The following DYNC1I1 variants were observed in gnomAD, a reference collection of about 807,000 sequenced individuals.
DYNC1I1 encodes the protein dynein cytoplasmic 1 intermediate chain 1, also known as cytoplasmic dynein 1 intermediate chain 1.
Under a neutral mutation model 86.6 loss-of-function variants are expected in DYNC1I1, and 43 were observed. The ratio of observed to expected loss-of-function variants is 0.50; its 90% CI spans 0.39 to 0.64. The LOEUF is 0.64. Among genes scored for constraint, DYNC1I1 ranks in the 30% least tolerant of loss-of-function variants. The probability of loss-of-function intolerance (pLI) is 0.00; values close to 1 mark genes in which losing one functional copy is unlikely to be tolerated. For synonymous variants in DYNC1I1, 262 were observed against 283.7 expected, an observed-to-expected ratio of 0.92 and a Z score of 0.77; for missense variants, 604 against 788.8, an observed-to-expected ratio of 0.77 and a Z score of 2.81.
chr7:95,936,157 T>G (rs925573643), intron 6 of DYNC1I1, among the ~76,000 whole-genome samples: 1 of 152,004 alleles, frequency 6.6e-6, no homozygotes, highest in Non-Finnish European at 1.5e-5. Flanking sequence ...AGAATAGTTA[T>G]TATAGAGAAG....
chr7:95,963,873 A>G (rs1364830956), intron 6 of DYNC1I1, among the ~76,000 whole-genome samples: 2 of 152,188 alleles, frequency 1.3e-5, no homozygotes, highest in South Asian at 2.1e-4. Context: ...TCTGACCACA[A>G]CTGAGAGTTG....
At chr7:95,966,389 G>C (rs748947336) in intron 6 of DYNC1I1, among the ~76,000 whole-genome samples, 1 of 152,124 alleles carries the variant, frequency 6.6e-6, no homozygotes, top group African/African-American at 2.4e-5. Flanking sequence ...TAAATCTTAA[G>C]TAGTATTTAC....
chr7:96,073,952 G>A (rs928221542), intron 14 of DYNC1I1, among the ~76,000 whole-genome samples: 3 of 152,210 alleles, frequency 2.0e-5, no homozygotes, highest in African/African-American at 7.2e-5. Flanking sequence ...TTTGAATCAT[G>A]TAGTCCAAAC....
chr7:96,035,399 A>C (rs1467947306), intron 12 of DYNC1I1, among the ~76,000 whole-genome samples: 1 of 152,222 alleles, frequency 6.6e-6, no homozygotes, highest in Non-Finnish European at 1.5e-5. Flanking sequence ...TGACTTAAGA[A>C]GCAGCAGCAC....
chr7:96,029,447 GA>G (rs1794756748), intron 11 of DYNC1I1, among the ~76,000 whole-genome samples: 1 of 152,144 alleles, frequency 6.6e-6, no homozygotes, highest in Non-Finnish European at 1.5e-5. Flanking sequence ...CATACCTTCT[GA>G]AATTTCCAAA....
Position 95,804,833 on chromosome 7 carries a change from A to G in DYNC1I1, c.104A>G (p.Lys35Arg), listed in dbSNP as rs750279713. 6.4e-7 allele frequency: 1 copy of G among 1,556,384 alleles called. No homozygotes were observed. The highest frequency in any genetic ancestry group is 8.7e-7 in the Non-Finnish European group (1 of 1,148,734). ...CGGAAGGAAGAGGAGAGGAAAAAGA[A>G]AGAGGTAAATCCTGGGTGTTGGGGT... ...KKRKEEERKK[K>R]EADMQQKKEP... The change falls in exon 2 of 17, where the codon AAA becomes AGA. Residue 35 changes from lysine (K) to arginine (R), a missense_variant. Lys to Arg is a conservative substitution (Grantham distance 26). Transcript: ENST00000447467.
intron 14 of DYNC1I1, among the ~76,000 whole-genome samples, chr7:96,051,964 A>C (rs1789416259): frequency 6.6e-6 from 1 of 152,182 alleles, no homozygotes; most frequent in Admixed American, 6.5e-5. Context: ...TGATTAAAAA[A>C]TTTATCTCTT....
chr7:96,097,016 T>TAC (rs1791031096), intron 16 of DYNC1I1, among the ~76,000 whole-genome samples: 1 of 152,166 alleles, frequency 6.6e-6, no homozygotes, highest in South Asian at 2.1e-4. Context: ...TTTCTTTGTA[T>TAC]ATATAAGCTA....
chr7:95,985,623 C>T (rs950734423), intron 8 of DYNC1I1, among the ~76,000 whole-genome samples: 3 of 152,084 alleles, frequency 2.0e-5, no homozygotes, highest in African/African-American at 7.2e-5. Flanking sequence ...ACTATATGAG[C>T]CTTATAAACA....
intron 14 of DYNC1I1, among the ~76,000 whole-genome samples, chr7:96,072,272 A>G (rs77707519): frequency 1.7e-4 from 26 of 152,278 alleles, no homozygotes; most frequent in Middle Eastern, 3.4e-3. Flanking sequence ...CCATTATTGT[A>G]ACAGCCCTGG....
At chr7:95,791,552 G>A (rs1794303252) in intron 1 of DYNC1I1, among the ~76,000 whole-genome samples, 1 of 152,186 alleles carries the variant, frequency 6.6e-6, no homozygotes, top group African/African-American at 2.4e-5. Flanking sequence ...AGATGGCTCT[G>A]TTCTAAAGCA....
At chr7:95,886,853 G>A (rs1203884192) in intron 6 of DYNC1I1, among the ~76,000 whole-genome samples, 1 of 152,224 alleles carries the variant, frequency 6.6e-6, no homozygotes, top group Non-Finnish European at 1.5e-5. Flanking sequence ...CCTTGTGAGT[G>A]ATGGTATTCT....
At chr7:95,947,307 T>C (rs564708829) in intron 6 of DYNC1I1, among the ~76,000 whole-genome samples, 13 of 152,332 alleles carry the variant, frequency 8.5e-5, no homozygotes, top group African/African-American at 3.1e-4. Context: ...TGTGTTAGTA[T>C]GTGTCATTAT....
At chr7:95,975,985 T>G (rs926342704) in intron 6 of DYNC1I1, among the ~76,000 whole-genome samples, 5 of 152,242 alleles carry the variant, frequency 3.3e-5, no homozygotes, top group Non-Finnish European at 5.9e-5. Flanking sequence ...TGTGAAGAGA[T>G]AGCATTAATA....
In DYNC1I1 at chr7:95,800,038, C is replaced by T. The variant is rs557986084; in HGVS notation, c.-9-4683C>T. 7.3e-5 allele frequency among the ~76,000 whole-genome samples: 11 copies of T among 149,748 alleles called. No homozygotes were observed. The South Asian group carries it at 2.4e-3, about 32-fold the overall frequency. ...ATGTTTAGCTCTTTACTTATATTGA[C>T]TCATTTGTTTGGATCAAAAGAATGA... On this transcript the variant is annotated intron_variant, in intron 1 of 16. Coordinates refer to ENST00000447467, the MANE Select transcript of DYNC1I1 (RefSeq NM_001135556.2).
At chr7:95,849,663 C>G (rs917298768) in intron 5 of DYNC1I1, among the ~76,000 whole-genome samples, 5 of 152,056 alleles carry the variant, frequency 3.3e-5, no homozygotes, top group African/African-American at 1.2e-4. Flanking sequence ...ATGCCTTCAG[C>G]TTTGTTCTTT....
At chr7:95,822,654 T>C (rs1445484311) in intron 4 of DYNC1I1, among the ~76,000 whole-genome samples, 1 of 152,118 alleles carries the variant, frequency 6.6e-6, no homozygotes, top group Non-Finnish European at 1.5e-5. Flanking sequence ...GAACACATAA[T>C]AGGGCTCCTA....
intron 10 of DYNC1I1, among the ~76,000 whole-genome samples, chr7:96,022,075 A>G (rs1794565529): frequency 6.6e-6 from 1 of 152,186 alleles, no homozygotes; most frequent in Non-Finnish European, 1.5e-5. Context: ...TTTTTGGGGA[A>G]CTGCCAGACT....
chr7:95,928,924 G>A (rs1791816206), intron 6 of DYNC1I1, among the ~76,000 whole-genome samples: 1 of 152,118 alleles, frequency 6.6e-6, no homozygotes, highest in South Asian at 2.1e-4. Context: ...TACTATGTGA[G>A]CCTGGCTTCT....
Sources: allele counts gnomAD v4.1 joint callset (sites outside exome capture counted in the v4.1 genomes callset), GRCh38; gene constraint gnomAD v4.1.1; transcripts MANE v1.5; gene names NCBI Gene and HGNC (gene_info 2026-07-23, HGNC 2026-07-21).